ATXN2: variants seen among roughly 807,000 people sequenced by gnomAD.
ATXN2 encodes ataxin 2.
ATXN2 carries 37 observed loss-of-function variants against 138.6 expected under a neutral mutation model. The observed-to-expected ratio is 0.27, with a 90% CI of 0.21 to 0.35. The LOEUF is 0.35. ATXN2 is among the 10% of genes least tolerant of loss of function. The pLI is 1.00. For missense variants in ATXN2, 1,216 were observed against 1,480.3 expected, an observed-to-expected ratio of 0.82 and a Z score of 2.93; for synonymous variants, 549 against 543.7, an observed-to-expected ratio of 1.01 and a Z score of -0.13.
At chr12:111,536,085 C>A (rs1231831389) in intron 5 of ATXN2, among the ~76,000 whole-genome samples, 2 of 151,870 alleles carry the variant, frequency 1.3e-5, no homozygotes, top group Non-Finnish European at 2.9e-5. Flanking sequence ...GTATAGCATC[C>A]CAACTTTATT....
At chr12:111,553,022 G>T in intron 3 of ATXN2, 45 bp from the exon 4 acceptor site, 1 of 1,242,026 alleles carries the variant, frequency 8.1e-7, no homozygotes, top group Non-Finnish European at 1.1e-6. Context: ...TATACTACCC[G>T]GTCACCAGGG....
intron 1 of ATXN2, among the ~76,000 whole-genome samples, chr12:111,567,499 C>CA (rs1040252320): frequency 1.9e-3 from 231 of 124,374 alleles, no homozygotes; most frequent in Admixed American, 3.7e-3. Context: ...GACCCCATTT[C>CA]AAAAAAAAAA....
At position 111,587,746 on chromosome 12, in the gene ATXN2, A is replaced by G. The variant is rs553641512; in HGVS notation, c.251+11038T>C. ...AATGGTTTCAGGAGACCAACATTCTAAAGTTCTGATACAGTTAATAAAAAT... is the reference window on the plus strand; with the variant it reads ...AATGGTTTCAGGAGACCAACATTCTGAAGTTCTGATACAGTTAATAAAAAT... On this transcript the variant is annotated intron_variant, in intron 1 of 24. Coordinates refer to ENST00000673436, the MANE Select transcript of ATXN2 (RefSeq NM_001372574.1). 4.5e-4 allele frequency among the ~76,000 whole-genome samples: 69 copies of G among 152,274 alleles called. 2 individuals are homozygous for G. In the South Asian group the frequency reaches 0.013, roughly 28 times the overall value.
chr12:111,583,993 G>C (rs1884175692), intron 1 of ATXN2, among the ~76,000 whole-genome samples: 1 of 151,882 alleles, frequency 6.6e-6, no homozygotes, highest in Admixed American at 6.6e-5. Context: ...CCCTAGCTTA[G>C]ATATAACCTC....
chr12:111,464,816 G>A, intron 20 of ATXN2, 101 bp from the exon 21 acceptor site: 1 of 871,430 alleles, frequency 1.1e-6, no homozygotes, highest in Non-Finnish European at 1.9e-6. Flanking sequence ...TTGTATTCAT[G>A]CATAATTCAT....
rs1885077378 is a variant in ATXN2 at position 111,598,821 on chromosome 12, CGACCACCGAGGAGGGAGCCGT to C, written c.193_213del (p.Thr65_Val71del). ...GGCCTCCCGCCGCCGGAGGTCGCCG[CGACCACCGAGGAGGGAGCCGT>C]GGCCGAGGACGAGGAGACCGAGGAC... On this transcript the variant is annotated inframe_deletion, in exon 1 of 25. Transcript: ENST00000673436. The surrounding 1 kb of genome is among the most constrained non-coding windows in gnomAD (Gnocchi z 4.5). The C allele has an allele frequency of 1.4e-6, 2 of 1,417,714 alleles. No individual in the cohort carries two copies. Among genetic ancestry groups the C allele is most frequent in the African/African-American group, 1.5e-5 (1 of 65,198 alleles). 87.8% of individuals were successfully genotyped at this position (1,417,714 alleles called of 1,614,324 possible). A position where few individuals can be genotyped will look rare whatever the true frequency, so the allele number is the denominator to read the frequency against.
intron 5 of ATXN2, among the ~76,000 whole-genome samples, chr12:111,551,106 G>A (rs1159297331): frequency 6.6e-6 from 1 of 152,090 alleles, no homozygotes; most frequent in Admixed American, 6.6e-5. Flanking sequence ...AGACCATCCT[G>A]GCCAACATGG....
rs570546799 is a variant in ATXN2, at chr12:111,498,361, C to T, written c.1936-9581G>A. 4.6e-3 allele frequency among the ~76,000 whole-genome samples: 696 copies of T among 152,230 alleles called. 1 individual carries two copies. The highest frequency in any genetic ancestry group is 7.3e-3 in the Non-Finnish European group (498 of 68,010). On this transcript the variant is annotated intron_variant, in intron 14 of 24. Transcript: ENST00000673436. ...AGAAAAACCTATTAGAACTGACAAA[C>T]AAATTCAGTAAAATTGCAGGATACA...
chr12:111,488,557 A>C lies in ATXN2; in HGVS notation c.2159T>G (p.Val720Gly). 6.2e-7 allele frequency: 1 copy of C among 1,614,078 alleles called. No individual in the cohort carries two copies. Among genetic ancestry groups the C allele is most frequent in the Non-Finnish European group, 8.5e-7 (1 of 1,180,028 alleles). ...GGAAGTCTGAACCCCTTGGGAAGTG[A>C]CCTCAGGTCCCCTCTTGTGCTCCGT... Reference protein sequence around the residue: ...SNTEHKRGPEVTSQGVQTSSP... With the variant: ...SNTEHKRGPEGTSQGVQTSSP... The change falls in exon 15 of 25, where the codon GTC (valine) becomes GGC (glycine). Residue 720 changes from valine to glycine, a missense_variant. Physicochemically the swap from Val to Gly is moderately radical, Grantham distance 109. Around this residue, in one of 4 missense-constraint regions of ATXN2, gnomAD observed 490 missense variants for 653.5 expected, o/e 0.75. Transcript: ENST00000673436.
intron 14 of ATXN2, among the ~76,000 whole-genome samples, chr12:111,500,613 G>A (rs1878703100): frequency 6.6e-6 from 1 of 152,178 alleles, no homozygotes; most frequent in Non-Finnish European, 1.5e-5. Flanking sequence ...GGTGGCTCAC[G>A]CCTGCAACCC....
chr12:111,538,485 G>A (rs1162831435), intron 5 of ATXN2, among the ~76,000 whole-genome samples: 1 of 133,200 alleles, frequency 7.5e-6, no homozygotes, highest in African/African-American at 2.5e-5. Context: ...CGAATAGCTG[G>A]GACTACAGGT....
rs758574780 is a variant in ATXN2, at chr12:111,509,979, T to A, written c.1776A>T (p.Gln592His). The stretch of plus-strand genomic sequence containing the variant: ...CTGCAGGAGAGTTCTGCCTCTGATC[T>A]TGAAGCCTGGAATCTTTAGCTAGAA... ...PSSEAKDSRL[Q>H]DQRQNSPAGN... The change falls in exon 13 of 25, where the codon CAA (glutamine) becomes CAT (histidine). Residue 592 changes from glutamine to histidine, a missense_variant. Gln to His is a conservative substitution (Grantham distance 24). This residue lies in a region of ATXN2 where 215 missense variants were observed against 210.0 expected (regional missense o/e 1.02). Transcript: ENST00000673436. The A allele has an allele frequency of 1.2e-6, 2 of 1,608,594 alleles. No homozygotes were observed. Among genetic ancestry groups the A allele is most frequent in the South Asian group, 2.2e-5 (2 of 89,412 alleles).
rs114909404 is a variant in ATXN2 at position 111,502,749 on chromosome 12, G to A, written c.1935+6800C>T. ...CCCAGCAGAAAACTGAAATTCTTAT[G>A]TGACTCCACATGAAATGGTACAATG... On this transcript the variant is annotated intron_variant, in intron 14 of 24. Coordinates refer to ENST00000673436, the MANE Select transcript of ATXN2 (RefSeq NM_001372574.1). Among the ~76,000 whole-genome samples the A allele has an allele frequency of 3.0e-3, 464 of 152,220 alleles. 6 individuals carry two copies. Among genetic ancestry groups the A allele is most frequent in the African/African-American group, 0.011 (448 of 41,530 alleles).
Position 111,520,868 on chromosome 12 carries a change from C to A in ATXN2, c.788+14G>T, listed in dbSNP as rs1345895945. The A allele has an allele frequency of 2.7e-6, 4 of 1,474,314 alleles. No individual in the cohort carries two copies. The highest frequency in any genetic ancestry group is 1.7e-4 in the Middle Eastern group (1 of 5,756). 91.3% of individuals were successfully genotyped at this position (1,474,314 alleles called of 1,614,324 possible). ...ACAAATGCACTAAAATAAAAACAAACTTTTCAAACTTACGTATACGAAGAT... is the reference window on the plus strand; with the variant it reads ...ACAAATGCACTAAAATAAAAACAAAATTTTCAAACTTACGTATACGAAGAT... On this transcript the variant is annotated intron_variant, in intron 7 of 24. Coordinates refer to ENST00000673436, the MANE Select transcript of ATXN2 (RefSeq NM_001372574.1).
intron 18 of ATXN2, chr12:111,470,973 C>A: frequency 3.9e-6 from 2 of 518,226 alleles, no homozygotes; most frequent in Non-Finnish European, 6.9e-6. Flanking sequence ...CTTCATCCTT[C>A]AGGTGTCAGC....
intron 1 of ATXN2, among the ~76,000 whole-genome samples, chr12:111,582,441 C>CAA (rs375687566): frequency 1.5e-5 from 2 of 132,472 alleles, no homozygotes; most frequent in Admixed American, 7.8e-5. Context: ...GACGGTGTCT[C>CAA]AAAAAAAAAA....
chr12:111,591,197 A>T (rs1295198877), intron 1 of ATXN2, among the ~76,000 whole-genome samples: 5 of 151,982 alleles, frequency 3.3e-5, no homozygotes, highest in African/African-American at 1.2e-4. Context: ...CCGGTGGAAC[A>T]GTTTCATCTC....
At chr12:111,583,777 A>AC (rs1357010897) in intron 1 of ATXN2, among the ~76,000 whole-genome samples, 1 of 150,942 alleles carries the variant, frequency 6.6e-6, no homozygotes, top group Non-Finnish European at 1.5e-5. Context: ...AAAAAAAAAA[A>AC]AAAAAAAAAA....
At chr12:111,502,181 T>A (rs1211731858) in intron 14 of ATXN2, among the ~76,000 whole-genome samples, 1 of 152,202 alleles carries the variant, frequency 6.6e-6, no homozygotes, top group Non-Finnish European at 1.5e-5. Context: ...CATGAGCCAC[T>A]GTACCTGTCC....
Sources: allele counts gnomAD v4.1 joint callset (sites outside exome capture counted in the v4.1 genomes callset), GRCh38; gene constraint gnomAD v4.1.1; regional missense constraint gnomAD v4.1.1; non-coding constraint Gnocchi (gnomAD v3.1); transcripts MANE v1.5; gene names NCBI Gene and HGNC (gene_info 2026-07-23, HGNC 2026-07-21).